Variants in OPRD1 observed in about 807,000 individuals in gnomAD.
OPRD1 encodes opioid receptor delta 1, also known as delta-type opioid receptor.
OPRD1 carries 19 observed loss-of-function variants against 17.5 expected under a neutral mutation model. That is an observed-to-expected ratio of 1.09 (90% CI 0.76 to 1.60). OPRD1 has a LOEUF of 1.60. Among genes scored for constraint, OPRD1 ranks in the 40% most tolerant of loss-of-function variants. OPRD1 has a pLI of 0.00. For synonymous variants in OPRD1, 256 were observed against 240.9 expected, an observed-to-expected ratio of 1.06 and a Z score of -0.58; for missense variants, 483 against 547.2, an observed-to-expected ratio of 0.88 and a Z score of 1.17.
intron 2 of OPRD1, 150 bp from the exon 3 acceptor site, chr1:28,862,592 G>C: frequency 1.4e-6 from 1 of 701,718 alleles, no homozygotes; most frequent in South Asian, 2.0e-5. Context: ...AGCCGAGGAG[G>C]ACACTCCAGA....
intron 1 of OPRD1, among the ~76,000 whole-genome samples, chr1:28,845,188 C>A (rs906725976): frequency 6.6e-6 from 1 of 151,768 alleles, no homozygotes; most frequent in Non-Finnish European, 1.5e-5. Flanking sequence ...ACTAAAAATA[C>A]AAAAATTAGC....
intron 1 of OPRD1, among the ~76,000 whole-genome samples, chr1:28,839,872 G>A (rs1479298121): frequency 2.0e-5 from 3 of 152,338 alleles, no homozygotes; most frequent in African/African-American, 4.8e-5. Context: ...ATGGGAGAAG[G>A]TAGGAAGGGA....
intron 1 of OPRD1, among the ~76,000 whole-genome samples, chr1:28,831,433 TG>T (rs1210483763): frequency 1.3e-5 from 2 of 151,200 alleles, no homozygotes; most frequent in Non-Finnish European, 2.9e-5. Context: ...CGCTTGAACT[TG>T]GGAGGTGGAG....
At chr1:28,823,342 G>A (rs756390147) in intron 1 of OPRD1, among the ~76,000 whole-genome samples, 1 of 149,594 alleles carries the variant, frequency 6.7e-6, no homozygotes, top group African/African-American at 2.5e-5. Context: ...GATTACAGAT[G>A]TGCACCACTA....
chr1:28,827,732 TC>T (rs1459229389), intron 1 of OPRD1, among the ~76,000 whole-genome samples: 2 of 151,828 alleles, frequency 1.3e-5, no homozygotes, highest in African/African-American at 4.8e-5. Flanking sequence ...ATTGTTTTTT[TC>T]TTTTCCCCCT....
At chr1:28,851,381 C>A (rs2089001154) in intron 1 of OPRD1, among the ~76,000 whole-genome samples, 1 of 152,198 alleles carries the variant, frequency 6.6e-6, no homozygotes, top group Non-Finnish European at 1.5e-5. Context: ...AGAATAACGA[C>A]ATTTTCAGAC....
At chr1:28,839,371 T>G (rs1359288533) in intron 1 of OPRD1, among the ~76,000 whole-genome samples, 1 of 152,202 alleles carries the variant, frequency 6.6e-6, no homozygotes, top group Non-Finnish European at 1.5e-5. Context: ...CCCTCAATGA[T>G]CCAAGATGGG....
At chr1:28,852,186 A>AG (rs1255740077) in intron 1 of OPRD1, among the ~76,000 whole-genome samples, 2 of 140,564 alleles carry the variant, frequency 1.4e-5, no homozygotes, top group African/African-American at 5.1e-5. Flanking sequence ...AAAAAAAAAA[A>AG]GAAAAGAAAG....
At chr1:28,834,716 C>T (rs534019311) in intron 1 of OPRD1, among the ~76,000 whole-genome samples, 9 of 152,180 alleles carry the variant, frequency 5.9e-5, no homozygotes, top group Admixed American at 6.5e-5. Flanking sequence ...ACTTTGTTAA[C>T]GAGATTTGGT....
Position 28,867,463 on chromosome 1 carries a change from C to G in OPRD1, c.*4180C>G, listed in dbSNP as rs1171951318. The G allele has an allele frequency of 6.6e-6, 1 of 152,178 alleles. No homozygotes were observed. The highest frequency in any genetic ancestry group is 1.5e-5 in the Non-Finnish European group (1 of 68,054). 9.4% of individuals were successfully genotyped at this position (152,178 alleles called of 1,614,324 possible). On this transcript the variant is annotated 3_prime_UTR_variant, in exon 3 of 3. Transcript: ENST00000234961. ...CAGGGGATCTGCCCGCCTCAGCTTC[C>G]CAAAGTGCTGGGATTACAGGCGTGA... is the stretch of plus-strand genomic sequence containing the variant.
intron 1 of OPRD1, among the ~76,000 whole-genome samples, chr1:28,857,386 T>C (rs1193434763): frequency 6.6e-6 from 1 of 152,204 alleles, no homozygotes. Flanking sequence ...CCAGATTTGC[T>C]TTCTGCTGGA....
intron 1 of OPRD1, among the ~76,000 whole-genome samples, chr1:28,855,566 G>A (rs925107870): frequency 2.0e-5 from 3 of 152,122 alleles, no homozygotes; most frequent in Non-Finnish European, 4.4e-5. Flanking sequence ...AGAGAGGGGG[G>A]CCGTGAGGAG....
intron 1 of OPRD1, among the ~76,000 whole-genome samples, chr1:28,829,857 G>A (rs1021593526): frequency 1.3e-5 from 2 of 151,904 alleles, no homozygotes; most frequent in Admixed American, 1.3e-4. Context: ...CTACAGGTGC[G>A]CACCACCATA....
chr1:28,861,913 C>T (rs204080), intron 2 of OPRD1, among the ~76,000 whole-genome samples: 12,557 of 51,652 alleles, frequency 0.24, 781 homozygotes, highest in East Asian at 0.49. Flanking sequence ...CTTTTCTTTT[C>T]TTTTTTTTTT....
At chr1:28,855,457 T>TG (rs1415507095) in intron 1 of OPRD1, among the ~76,000 whole-genome samples, 1 of 148,558 alleles carries the variant, frequency 6.7e-6, no homozygotes, top group African/African-American at 2.5e-5. Context: ...GGGAAGTCGC[T>TG]GGGGGACTGA....
intron 1 of OPRD1, among the ~76,000 whole-genome samples, chr1:28,815,558 G>A (rs1408412077): frequency 2.6e-5 from 4 of 152,222 alleles, no homozygotes; most frequent in African/African-American, 9.6e-5. Flanking sequence ...AACAGTGAAC[G>A]AGAGTCTGAG....
chr1:28,832,844 C>T (rs1162726010), intron 1 of OPRD1, among the ~76,000 whole-genome samples: 2 of 152,190 alleles, frequency 1.3e-5, no homozygotes, highest in Admixed American at 1.3e-4. Flanking sequence ...TGAACAGGGG[C>T]TCCCTAGCCC....
At chr1:28,850,201 GAC>G (rs1246315741) in intron 1 of OPRD1, among the ~76,000 whole-genome samples, 2 of 145,930 alleles carry the variant, frequency 1.4e-5, no homozygotes, top group Non-Finnish European at 3.1e-5. Context: ...TTTTTAAAAA[GAC>G]AGGGGCCAGG....
intron 1 of OPRD1, among the ~76,000 whole-genome samples, chr1:28,843,707 A>G (rs2088916075): frequency 1.3e-5 from 2 of 150,742 alleles, no homozygotes; most frequent in South Asian, 2.1e-4. Context: ...TGCAACCTCA[A>G]CTTCGGGGTC....
Sources: gnomAD v4.1 joint callset for allele counts (sites outside exome capture counted in the v4.1 genomes callset) on GRCh38, gnomAD v4.1.1 for gene constraint, MANE v1.5 for transcripts, NCBI Gene and HGNC (gene_info 2026-07-23, HGNC 2026-07-21) for gene names.